The following DYM variants were observed in gnomAD, a reference collection of about 807,000 sequenced individuals.
The protein encoded by DYM is dymeclin.
DYM carries 78 observed loss-of-function variants against 93.1 expected under a neutral mutation model. The observed-to-expected ratio is 0.84, with a 90% confidence interval of 0.70 to 1.01. DYM has a LOEUF of 1.01. Ranked by LOEUF, DYM falls within the 50% of genes least tolerant of loss-of-function variation. The pLI is 0.00. For missense variants in DYM, 789 were observed against 845.0 expected (o/e 0.93, Z 0.82); for synonymous variants, 321 against 319.7 (o/e 1.00, Z -0.04).
At chr18:49,166,149 T>C (rs12455537) in intron 14 of DYM, among the ~76,000 whole-genome samples, 12 of 152,122 alleles carry the variant, frequency 7.9e-5, no homozygotes, top group African/African-American at 2.9e-4. Flanking sequence ...GACCCACTGA[T>C]AACTAATATT....
At chr18:49,319,784 C>T (rs2062321631) in intron 8 of DYM, among the ~76,000 whole-genome samples, 1 of 152,290 alleles carries the variant, frequency 6.6e-6, no homozygotes, top group African/African-American at 2.4e-5. Flanking sequence ...TCTTCCAATC[C>T]ACCACCCTGC....
At chr18:49,060,518 C>T (rs780407137) in intron 17 of DYM, among the ~76,000 whole-genome samples, 9 of 150,796 alleles carry the variant, frequency 6.0e-5, no homozygotes, top group Non-Finnish European at 1.2e-4. Context: ...CCATTCACTA[C>T]TGGACATAAA....
chr18:49,244,864 T>A (rs147585647), intron 13 of DYM, among the ~76,000 whole-genome samples: 2 of 152,320 alleles, frequency 1.3e-5, no homozygotes, highest in African/African-American at 4.8e-5. Flanking sequence ...GAACAAGACA[T>A]GGTGCTGTGA....
At chr18:49,201,486 G>T (rs550965447) in intron 14 of DYM, among the ~76,000 whole-genome samples, 1 of 152,108 alleles carries the variant, frequency 6.6e-6, no homozygotes, top group Admixed American at 6.5e-5. Context: ...CATCAGTCAG[G>T]CTCAAAAGCA....
At chr18:49,108,434 C>T (rs1339954998) in intron 16 of DYM, among the ~76,000 whole-genome samples, 1 of 152,248 alleles carries the variant, frequency 6.6e-6, no homozygotes, top group Non-Finnish European at 1.5e-5. Context: ...TTCCGGCACT[C>T]CCCAATGAGA....
In DYM at chr18:49,084,917, G is replaced by C. The variant is rs184173322; in HGVS notation, c.2025+12485C>G. Among the ~76,000 whole-genome samples, 11 of 152,280 alleles carry C rather than the reference G, an allele frequency of 7.2e-5. No individual in the cohort carries two copies. In the East Asian group the frequency reaches 2.1e-3, roughly 29 times the overall value. On this transcript the variant is annotated intron_variant, in intron 17 of 17. Transcript: ENST00000675505. ...GACAGTTATACCCAAAGTCAGGACA[G>C]TTTTTAGTTCCAGAGGGTATATTGG...
At chr18:49,147,579 G>C (rs1233327145) in intron 15 of DYM, among the ~76,000 whole-genome samples, 2 of 151,966 alleles carry the variant, frequency 1.3e-5, no homozygotes, top group Non-Finnish European at 2.9e-5. Context: ...GCAGCCAAAA[G>C]ACACATGAAA....
intron 14 of DYM, among the ~76,000 whole-genome samples, chr18:49,171,369 C>G (rs901712792): frequency 6.6e-6 from 1 of 152,008 alleles, no homozygotes; most frequent in African/African-American, 2.4e-5. Context: ...ATGCCTCAGT[C>G]CTTCCTCTAA....
intron 1 of DYM, among the ~76,000 whole-genome samples, chr18:49,435,971 A>G (rs2080827280): frequency 6.6e-6 from 1 of 152,172 alleles, no homozygotes; most frequent in Non-Finnish European, 1.5e-5. Context: ...TCGGTGTCCT[A>G]TTACAGAATG....
intron 8 of DYM, among the ~76,000 whole-genome samples, chr18:49,317,575 CT>C (rs2062036205): frequency 3.4e-4 from 4 of 11,616 alleles, no homozygotes; most frequent in African/African-American, 2.7e-3. Flanking sequence ...CTCTCTCTCT[CT>C]CTCTCTCTCT....
chr18:49,221,251 A>G (rs1229447387), intron 13 of DYM, among the ~76,000 whole-genome samples: 1 of 152,090 alleles, frequency 6.6e-6, no homozygotes, highest in Non-Finnish European at 1.5e-5. Flanking sequence ...AAAAGTCAGG[A>G]AACAACAGGT....
chr18:49,255,917 TAAAAATACAAAA>T (rs2094384665), intron 13 of DYM, among the ~76,000 whole-genome samples: 1 of 150,608 alleles, frequency 6.6e-6, no homozygotes, highest in East Asian at 2.0e-4. Flanking sequence ...CCATCTCTAC[TAAAAATACAAAA>T]AAAAATTAGC....
intron 15 of DYM, among the ~76,000 whole-genome samples, chr18:49,144,012 A>G (rs2084816069): frequency 6.6e-6 from 1 of 152,198 alleles, no homozygotes; most frequent in Non-Finnish European, 1.5e-5. Context: ...ATTAATAGTA[A>G]TCCCTGAAAA....
intron 5 of DYM, among the ~76,000 whole-genome samples, chr18:49,374,665 T>C (rs1568337638): frequency 6.6e-6 from 1 of 152,170 alleles, no homozygotes; most frequent in Non-Finnish European, 1.5e-5. Flanking sequence ...TTCAATAAAA[T>C]TTGGCTGCCT....
At chr18:49,290,078 T>C (rs1208148266) in intron 8 of DYM, among the ~76,000 whole-genome samples, 3 of 151,614 alleles carry the variant, frequency 2.0e-5, no homozygotes, top group African/African-American at 7.3e-5. Flanking sequence ...TTTTTTTTTT[T>C]CTATACCAAG....
At chr18:49,195,692 T>G (rs1028504475) in intron 14 of DYM, among the ~76,000 whole-genome samples, 1 of 152,202 alleles carries the variant, frequency 6.6e-6, no homozygotes, top group African/African-American at 2.4e-5. Flanking sequence ...TTTCAAAGCA[T>G]GTTGATACTG....
At chr18:49,213,430 C>G (rs1286788839) in intron 13 of DYM, among the ~76,000 whole-genome samples, 2 of 152,054 alleles carry the variant, frequency 1.3e-5, no homozygotes, top group Admixed American at 1.3e-4. Context: ...ATTCTCCTGT[C>G]TCAGCCTCCT....
At chr18:49,178,820 T>A (rs1013365306) in intron 14 of DYM, among the ~76,000 whole-genome samples, 2 of 152,132 alleles carry the variant, frequency 1.3e-5, no homozygotes, top group Admixed American at 6.6e-5. Context: ...CATCTCCAGA[T>A]AATATTATAG....
At chr18:49,443,067 C>G (rs547455628) in intron 1 of DYM, among the ~76,000 whole-genome samples, 16 of 152,106 alleles carry the variant, frequency 1.1e-4, no homozygotes, top group Admixed American at 2.6e-4. Flanking sequence ...AGGCTGGTCT[C>G]AAACTCCTGA....
Sources: allele counts gnomAD v4.1 joint callset (sites outside exome capture counted in the v4.1 genomes callset), GRCh38; gene constraint gnomAD v4.1.1; transcripts MANE v1.5; gene names NCBI Gene and HGNC (gene_info 2026-07-23, HGNC 2026-07-21).